Variants in UNC5D observed in about 807,000 individuals in gnomAD.
The protein encoded by UNC5D is netrin receptor UNC5D.
Under a neutral mutation model 105.4 loss-of-function variants are expected in UNC5D, and 39 were observed. That is an observed-to-expected ratio of 0.37 (90% confidence interval 0.29 to 0.48). The LOEUF is 0.48. UNC5D is among the 20% of genes least tolerant of loss of function. UNC5D has a pLI of 0.98. For missense variants in UNC5D, 991 were observed against 1,202.4 expected, an observed-to-expected ratio of 0.82 and a Z score of 2.60; for synonymous variants, 452 against 450.4, an observed-to-expected ratio of 1.00 and a Z score of -0.04.
intron 8 of UNC5D, among the ~76,000 whole-genome samples, chr8:35,708,047 A>G (rs3824287): frequency 0.085 from 12,997 of 152,190 alleles, 1,215 homozygotes; most frequent in African/African-American, 0.22. Context: ...GAGGGGCTTA[A>G]TGTGAGACTA....
chr8:35,530,910 T>C (rs1476912543), intron 1 of UNC5D, among the ~76,000 whole-genome samples: 2 of 141,662 alleles, frequency 1.4e-5, no homozygotes, highest in East Asian at 2.1e-4. Flanking sequence ...TATCATTTTT[T>C]ATTGTGTCTA....
chr8:35,423,452 T>G (rs1384233489), intron 1 of UNC5D, among the ~76,000 whole-genome samples: 1 of 152,216 alleles, frequency 6.6e-6, no homozygotes, highest in African/African-American at 2.4e-5. Context: ...ACATAAGCCC[T>G]GGTCTTTTCC....
chr8:35,611,274 C>T (rs1296700127), intron 4 of UNC5D, among the ~76,000 whole-genome samples: 3 of 152,102 alleles, frequency 2.0e-5, no homozygotes, highest in African/African-American at 7.2e-5. Flanking sequence ...TGAGCTCTAC[C>T]TCTCCCAAAC....
In UNC5D at chr8:35,710,934, C is replaced by CTTTTTTTTTTTTT. The variant is rs775014566; in HGVS notation, c.1117+4983_1117+4995dup. Among the ~76,000 whole-genome samples the CTTTTTTTTTTTTT allele has an allele frequency of 3.7e-4, 42 of 114,374 alleles. 3 individuals are homozygous for CTTTTTTTTTTTTT. Among genetic ancestry groups the CTTTTTTTTTTTTT allele is most frequent in the African/African-American group, 1.2e-3 (29 of 25,036 alleles). The allele number at this position is 114,374 out of a possible 152,430, so 75.0% of individuals were successfully genotyped here. On this transcript the variant is annotated intron_variant, in intron 8 of 16. Coordinates refer to ENST00000404895, the MANE Select transcript of UNC5D (RefSeq NM_080872.4). ...GCCTCTTCAGTAGCTCAGCATTATT[C>CTTTTTTTTTTTTT]TTTTTTTTTTTTTTTTTTTTTTGAG...
chr8:35,339,140 C>T (rs1268905693), intron 1 of UNC5D, among the ~76,000 whole-genome samples: 1 of 152,144 alleles, frequency 6.6e-6, no homozygotes, highest in East Asian at 1.9e-4. Flanking sequence ...CTAACTCTAC[C>T]TTTGAATACA....
At chr8:35,715,024 G>A (rs904122538) in intron 8 of UNC5D, among the ~76,000 whole-genome samples, 6 of 152,188 alleles carry the variant, frequency 3.9e-5, no homozygotes, top group Admixed American at 1.3e-4. Context: ...GGTGGCGCAT[G>A]CCTGTAATTC....
In UNC5D at chr8:35,521,328, T is replaced by C. The variant is rs960880121; in HGVS notation, c.104-27964T>C. ...TATCTGATACTCTATGTAAATGATG[T>C]TTTCCTACCACTTAAATGGCTCCCA... On this transcript the variant is annotated intron_variant, in intron 1 of 16. Transcript: ENST00000404895. Among the ~76,000 whole-genome samples the C allele has an allele frequency of 2.6e-5, 4 of 152,222 alleles. 1 individual carries two copies. The highest frequency in any genetic ancestry group is 6.8e-3 in the Middle Eastern group (2 of 294).
intron 1 of UNC5D, among the ~76,000 whole-genome samples, chr8:35,517,692 T>C (rs1185352923): frequency 6.6e-6 from 1 of 152,224 alleles, no homozygotes; most frequent in Non-Finnish European, 1.5e-5. Context: ...GCTTTTTAAA[T>C]TCAGCAGGGT....
chr8:35,425,458 C>A (rs7828218), intron 1 of UNC5D, among the ~76,000 whole-genome samples: 64,309 of 151,970 alleles, frequency 0.42, 13,751 homozygotes, highest in East Asian at 0.54. Context: ...GTAAACTCTC[C>A]GAGACCCCCA....
chr8:35,766,008 G>A (rs1191295936), intron 14 of UNC5D, among the ~76,000 whole-genome samples: 1 of 152,112 alleles, frequency 6.6e-6, no homozygotes, highest in Non-Finnish European at 1.5e-5. Context: ...AAAAATTTCG[G>A]TGACTAACTT....
chr8:35,282,710 CAA>C (rs200599461), intron 1 of UNC5D, among the ~76,000 whole-genome samples: 2 of 135,932 alleles, frequency 1.5e-5, no homozygotes, highest in Admixed American at 7.4e-5. Flanking sequence ...TATTAAAAGA[CAA>C]AAAAAAAAAA....
At chr8:35,260,553 CT>C (rs1459898986) in intron 1 of UNC5D, among the ~76,000 whole-genome samples, 1 of 152,106 alleles carries the variant, frequency 6.6e-6, no homozygotes, top group Non-Finnish European at 1.5e-5. Flanking sequence ...TCATTGAAAC[CT>C]CTGGGTTCAA....
intron 4 of UNC5D, among the ~76,000 whole-genome samples, chr8:35,675,170 T>C (rs1030390575): frequency 6.6e-6 from 1 of 152,218 alleles, no homozygotes; most frequent in Non-Finnish European, 1.5e-5. Flanking sequence ...GAAGAACAGC[T>C]CTCTCAGCAG....
intron 3 of UNC5D, among the ~76,000 whole-genome samples, chr8:35,584,627 T>C (rs1818668810): frequency 6.6e-6 from 1 of 151,902 alleles, no homozygotes. Flanking sequence ...TGTTTGTTTG[T>C]TTTTGAGAGA....
chr8:35,704,931 G>T (rs1827455813), intron 7 of UNC5D, among the ~76,000 whole-genome samples: 1 of 151,150 alleles, frequency 6.6e-6, no homozygotes, highest in African/African-American at 2.4e-5. Context: ...CCTCAGCTGA[G>T]CTCTGACTCC....
chr8:35,490,592 A>G (rs1326009256), intron 1 of UNC5D, among the ~76,000 whole-genome samples: 1 of 152,152 alleles, frequency 6.6e-6, no homozygotes, highest in East Asian at 1.9e-4. Flanking sequence ...TAGCTTTTAT[A>G]TATCAAACCT....
At chr8:35,503,053 C>T (rs1812074020) in intron 1 of UNC5D, among the ~76,000 whole-genome samples, 1 of 151,974 alleles carries the variant, frequency 6.6e-6, no homozygotes, top group Non-Finnish European at 1.5e-5. Context: ...ATCAGTTATC[C>T]CCAGAACAAC....
intron 7 of UNC5D, among the ~76,000 whole-genome samples, chr8:35,697,646 G>A (rs187752438): frequency 4.1e-3 from 627 of 152,090 alleles, no homozygotes; most frequent in African/African-American, 0.013. Flanking sequence ...TTGCAATTAC[G>A]GACACTGTAT....
intron 1 of UNC5D, among the ~76,000 whole-genome samples, chr8:35,517,124 T>C (rs535959174): frequency 1.4e-3 from 219 of 152,290 alleles, no homozygotes; most frequent in African/African-American, 5.0e-3. Flanking sequence ...GTTTCTTCCC[T>C]CTCTTTCATC....
Sources: allele counts gnomAD v4.1 joint callset (sites outside exome capture counted in the v4.1 genomes callset), GRCh38; gene constraint gnomAD v4.1.1; transcripts MANE v1.5; gene names NCBI Gene and HGNC (gene_info 2026-07-23, HGNC 2026-07-21).